NXPE2: variants seen among roughly 807,000 people sequenced by gnomAD.
NXPE2 encodes NXPE family member 2.
NXPE2 carries 34 observed loss-of-function variants against 34.4 expected under a neutral mutation model. That is an observed-to-expected ratio of 0.99 (90% CI 0.75 to 1.31). NXPE2 has a LOEUF of 1.31. Among genes scored for constraint, NXPE2 ranks in the 40% most tolerant of loss-of-function variants. The pLI, the probability that NXPE2 is intolerant of heterozygous loss-of-function variation, is 0.00. For missense variants in NXPE2, 649 were observed against 672.5 expected (o/e 0.97, Z 0.39); for synonymous variants, 235 against 231.3 (o/e 1.02, Z -0.15).
the NXPE2 span, among the ~76,000 whole-genome samples, chr11:114,638,218 C>T: frequency 2.0e-5 from 3 of 151,974 alleles, no homozygotes; most frequent in African/African-American, 7.3e-5. Flanking sequence ...TTCATTTCGT[C>T]TTTCATCACT....
At chr11:114,582,314 G>T in the NXPE2 span, 10 of 1,586,090 alleles carry the variant, frequency 6.3e-6, no homozygotes, top group Non-Finnish European at 8.6e-6. Context: ...TTTCTTGTTT[G>T]CTAAGATAAG....
At chr11:114,640,193 TTATA>T in the NXPE2 span, among the ~76,000 whole-genome samples, 32 of 133,236 alleles carry the variant, frequency 2.4e-4, no homozygotes, top group Non-Finnish European at 4.3e-4. Context: ...TATATATAAT[TTATA>T]TATATTATAT....
At chr11:114,768,807 G>A in the NXPE2 span, among the ~76,000 whole-genome samples, 1 of 152,014 alleles carries the variant, frequency 6.6e-6, no homozygotes, top group African/African-American at 2.4e-5. Context: ...GAGATTTTGG[G>A]CTGAGACAAT....
At chr11:114,464,425 CATT>C in the NXPE2 span, among the ~76,000 whole-genome samples, 1 of 152,142 alleles carries the variant, frequency 6.6e-6, no homozygotes, top group African/African-American at 2.4e-5. Context: ...AGTTTTTTGA[CATT>C]ATAATGGGTT....
At chr11:114,632,339 G>C in the NXPE2 span, among the ~76,000 whole-genome samples, 9 of 130,182 alleles carry the variant, frequency 6.9e-5, no homozygotes, top group East Asian at 1.7e-3. Flanking sequence ...TAACATAATA[G>C]AATATATAAT....
the NXPE2 span, chr11:114,530,946 C>T: frequency 6.6e-7 from 1 of 1,525,028 alleles, no homozygotes; most frequent in South Asian, 1.3e-5. Flanking sequence ...ATGAAATTAA[C>T]CTGTCTAATC....
the NXPE2 span, chr11:114,518,338 A>C: frequency 6.6e-6 from 1 of 152,246 alleles, no homozygotes; most frequent in Non-Finnish European, 1.5e-5. Flanking sequence ...TTACACCTTT[A>C]GGCTGTAAAA....
At chr11:114,805,271 G>A in the NXPE2 span, among the ~76,000 whole-genome samples, 2 of 151,724 alleles carry the variant, frequency 1.3e-5, no homozygotes, top group Admixed American at 1.3e-4. Flanking sequence ...CCACGCAGAA[G>A]ATGGGTGATT....
At chr11:114,646,132 C>G in the NXPE2 span, among the ~76,000 whole-genome samples, 1 of 151,952 alleles carries the variant, frequency 6.6e-6, no homozygotes, top group Non-Finnish European at 1.5e-5. Context: ...TTTTTATATG[C>G]TGGCCTGAGG....
chr11:114,466,531 T>G, the NXPE2 span, among the ~76,000 whole-genome samples: 1 of 151,214 alleles, frequency 6.6e-6, no homozygotes, highest in African/African-American at 2.4e-5. Flanking sequence ...ATTCCTTTAC[T>G]TGTTAGTAAA....
At chr11:114,603,806 C>T in the NXPE2 span, among the ~76,000 whole-genome samples, 8 of 151,600 alleles carry the variant, frequency 5.3e-5, no homozygotes, top group South Asian at 2.1e-4. Context: ...AGTATTGCCT[C>T]GTCTCCTAGG....
chr11:114,788,364 A>G, the NXPE2 span, among the ~76,000 whole-genome samples: 2 of 152,170 alleles, frequency 1.3e-5, no homozygotes, highest in Non-Finnish European at 2.9e-5. Flanking sequence ...GTGGAGCCTC[A>G]GGCTGGACAT....
At chr11:114,528,469 T>A in the NXPE2 span, among the ~76,000 whole-genome samples, 1 of 152,248 alleles carries the variant, frequency 6.6e-6, no homozygotes, top group Non-Finnish European at 1.5e-5. Context: ...CATTTCCTGC[T>A]ATGATTACCT....
At chr11:114,537,272 G>A in the NXPE2 span, among the ~76,000 whole-genome samples, 3 of 152,080 alleles carry the variant, frequency 2.0e-5, no homozygotes, top group African/African-American at 7.2e-5. Context: ...GTATTGATGG[G>A]ACATATCTCA....
At chr11:114,805,583 G>T in the NXPE2 span, among the ~76,000 whole-genome samples, 1 of 152,332 alleles carries the variant, frequency 6.6e-6, no homozygotes, top group Admixed American at 6.5e-5. Context: ...ACGGCGTCTC[G>T]CTCAGTGCTA....
the NXPE2 span, among the ~76,000 whole-genome samples, chr11:114,506,996 A>G: frequency 6.6e-6 from 1 of 151,962 alleles, no homozygotes; most frequent in Non-Finnish European, 1.5e-5. Context: ...GACTAAGAAA[A>G]AAGAAAAGAT....
At chr11:114,578,922 C>T in the NXPE2 span, among the ~76,000 whole-genome samples, 1 of 152,160 alleles carries the variant, frequency 6.6e-6, no homozygotes, top group African/African-American at 2.4e-5. Flanking sequence ...GCCACTATGC[C>T]TTGCAATGTG....
chr11:114,802,338 A>G, the NXPE2 span, among the ~76,000 whole-genome samples: 5 of 152,182 alleles, frequency 3.3e-5, no homozygotes, highest in South Asian at 2.1e-4. Context: ...GAATTTTTCT[A>G]TTTGAAGGAA....
At chr11:114,496,446 T>C in the NXPE2 span, among the ~76,000 whole-genome samples, 1 of 152,304 alleles carries the variant, frequency 6.6e-6, no homozygotes, top group South Asian at 2.1e-4. Flanking sequence ...CTTTCCTTAA[T>C]ATGATGTTAA....
Sources: allele counts gnomAD v4.1 joint callset (sites outside exome capture counted in the v4.1 genomes callset), GRCh38; gene constraint gnomAD v4.1.1; transcripts MANE v1.5; gene names NCBI Gene and HGNC (gene_info 2026-07-23, HGNC 2026-07-21).